PPA2: variants seen among roughly 807,000 people sequenced by gnomAD.
PPA2 encodes the protein inorganic pyrophosphatase 2, also known as inorganic pyrophosphatase 2, mitochondrial.
Under a neutral mutation model 49.5 loss-of-function variants are expected in PPA2, and 48 were observed. The observed-to-expected ratio is 0.97, with a 90% CI of 0.77 to 1.23. PPA2 has a LOEUF of 1.23. Among genes scored for constraint, PPA2 ranks in the 50% most tolerant of loss-of-function variants. PPA2 has a pLI of 0.00. For missense variants in PPA2, 429 were observed against 410.1 expected, an observed-to-expected ratio of 1.05 and a Z score of -0.40; for synonymous variants, 131 against 139.9, an observed-to-expected ratio of 0.94 and a Z score of 0.45.
rs1297256277 is a variant in PPA2, at chr4:105,426,661, T to C, written c.529-2339A>G. Among the ~76,000 whole-genome samples, 9 of 152,294 alleles carry C rather than the reference T, an allele frequency of 5.9e-5. No homozygotes were observed. In the South Asian group the frequency reaches 1.5e-3, roughly 25 times the overall value. On this transcript the variant is annotated intron_variant, in intron 6 of 11. Coordinates refer to ENST00000341695, the MANE Select transcript of PPA2 (RefSeq NM_176869.3). ...GTGTCAGCCATTACTGAGACTTGAA[T>C]AGGCAGTTCTATGCTTACAGTGTAA...
intron 4 of PPA2, among the ~76,000 whole-genome samples, chr4:105,447,799 T>C (rs915216721): frequency 6.6e-6 from 1 of 151,568 alleles, no homozygotes; most frequent in African/African-American, 2.4e-5. Flanking sequence ...AGTGGTGTGA[T>C]CTCAGCTCAC....
intron 6 of PPA2, among the ~76,000 whole-genome samples, chr4:105,426,265 C>T (rs540556894): frequency 4.1e-4 from 63 of 152,294 alleles, no homozygotes; most frequent in Non-Finnish European, 7.6e-4. Context: ...CCAGTGAGAT[C>T]GATGCAGAAG....
chr4:105,414,819 CAGA>C (rs748225848), intron 7 of PPA2, among the ~76,000 whole-genome samples: 9 of 152,264 alleles, frequency 5.9e-5, no homozygotes, highest in Non-Finnish European at 8.8e-5. Flanking sequence ...TTCTCCCGTA[CAGA>C]AGAAGAATGA....
chr4:105,414,452 C>G (rs1046856569), intron 7 of PPA2, among the ~76,000 whole-genome samples: 1 of 152,206 alleles, frequency 6.6e-6, no homozygotes. Flanking sequence ...CCCACGCATG[C>G]CAAGGGCAAG....
chr4:105,420,456 A>T (rs1282359983), intron 7 of PPA2, among the ~76,000 whole-genome samples: 1 of 152,146 alleles, frequency 6.6e-6, no homozygotes, highest in South Asian at 2.1e-4. Context: ...TAGGAAATTT[A>T]AAAAATCTCT....
chr4:105,388,431 T>TA (rs202196726), intron 9 of PPA2, among the ~76,000 whole-genome samples: 3 of 152,088 alleles, frequency 2.0e-5, no homozygotes, highest in Admixed American at 6.5e-5. Flanking sequence ...TTTTAAAAAT[T>TA]AAAAAAATTT....
chr4:105,434,523 T>C (rs1171019225), intron 6 of PPA2, among the ~76,000 whole-genome samples: 1 of 152,072 alleles, frequency 6.6e-6, no homozygotes, highest in Non-Finnish European at 1.5e-5. Flanking sequence ...CAGAAGACAG[T>C]CCTCTCTCAT....
rs1201421220 is a variant in PPA2, at chr4:105,424,205, T to C, written c.646A>G (p.Lys216Glu). 1.2e-6 allele frequency: 2 copies of C among 1,601,972 alleles called. No individual in the cohort carries two copies. The highest frequency in any genetic ancestry group is 1.7e-4 in the Middle Eastern group (1 of 6,034). Residue 216 changes from lysine to glutamate, a missense_variant, in exon 7 of 12, where the codon AAG becomes GAG. Transcript: ENST00000341695. The part of the protein sequence containing the change: ...AINANDPEAS[K>E]FHDIDDVKKF... ...AAAGTAACAGTCTTACCATGAAACT[T>C]TGAGGCTTCAGGATCATTCGCATTG...
At chr4:105,428,710 C>T (rs1723648893) in intron 6 of PPA2, among the ~76,000 whole-genome samples, 1 of 151,942 alleles carries the variant, frequency 6.6e-6, no homozygotes, top group Non-Finnish European at 1.5e-5. Flanking sequence ...AGGAGAAATA[C>T]CTAATGTAGG....
At chr4:105,391,883 A>G (rs1733936453) in intron 9 of PPA2, among the ~76,000 whole-genome samples, 1 of 152,170 alleles carries the variant, frequency 6.6e-6, no homozygotes, top group African/African-American at 2.4e-5. Flanking sequence ...TAATAAAAAA[A>G]GAGTATGAGT....
intron 1 of PPA2, among the ~76,000 whole-genome samples, chr4:105,461,619 A>C (rs750473578): frequency 3.9e-4 from 60 of 152,284 alleles, no homozygotes; most frequent in Non-Finnish European, 7.5e-4. Context: ...CTCAGTTTTC[A>C]AGGTTTCTCT....
chr4:105,428,658 C>T (rs577994567), intron 6 of PPA2, among the ~76,000 whole-genome samples: 15 of 142,132 alleles, frequency 1.1e-4, no homozygotes, highest in South Asian at 2.2e-4. Context: ...CATCATACAC[C>T]GAGGCCTGTT....
intron 10 of PPA2, among the ~76,000 whole-genome samples, chr4:105,386,198 G>A (rs983350993): frequency 1.3e-5 from 2 of 152,086 alleles, no homozygotes; most frequent in Non-Finnish European, 2.9e-5. Flanking sequence ...TTATTCTTAA[G>A]CTGGAACTGT....
chr4:105,447,862 T>C (rs1162147215), intron 4 of PPA2: 2 of 168,278 alleles, frequency 1.2e-5, no homozygotes, highest in East Asian at 1.8e-4. Context: ...GTCTCCTAAA[T>C]AGCTGGGATT....
chr4:105,399,110 C>T lies in PPA2; in HGVS notation c.710G>A (p.Trp237Ter). ...KPGYLEATLNWFRLYKVPDGK... is the reference protein window; with the variant it reads ...KPGYLEATLN Reference sequence around the variant, plus strand: ...ATCTGGTACCTTATATAATCTAAACCAATTAAGAGTAGCTTCCAGGTAACC... The same window carrying T: ...ATCTGGTACCTTATATAATCTAAACTAATTAAGAGTAGCTTCCAGGTAACC... Residue 237 changes from tryptophan to a stop codon, truncating the protein, a stop_gained, in exon 8 of 12, where the codon TGG becomes TAG. Coordinates refer to ENST00000341695, the MANE Select transcript of PPA2 (RefSeq NM_176869.3). LOFTEE classifies it high-confidence loss of function. 1 of 1,609,922 alleles carries T rather than the reference C, an allele frequency of 6.2e-7. No individual in the cohort carries two copies. The highest frequency in any genetic ancestry group is 1.7e-5 in the Admixed American group (1 of 59,544).
intron 6 of PPA2, among the ~76,000 whole-genome samples, chr4:105,429,459 TA>T (rs1723694424): frequency 6.6e-6 from 1 of 152,198 alleles, no homozygotes; most frequent in Admixed American, 6.5e-5. Context: ...ATTCCAAAAT[TA>T]AAAAGTTAAG....
intron 9 of PPA2, among the ~76,000 whole-genome samples, chr4:105,391,345 A>C (rs1380470446): frequency 3.8e-5 from 1 of 26,270 alleles, no homozygotes; most frequent in Non-Finnish European, 9.3e-5. Context: ...TTAAAGTAAC[A>C]AAAAAAAAAA....
intron 10 of PPA2, among the ~76,000 whole-genome samples, chr4:105,385,897 T>A: frequency 7.6e-6 from 1 of 130,900 alleles, no homozygotes; most frequent in South Asian, 2.6e-4. Context: ...TTTTTTTTTT[T>A]GAGACAGAGT....
At chr4:105,463,647 G>A (rs774605859) in intron 1 of PPA2, among the ~76,000 whole-genome samples, 16 of 152,312 alleles carry the variant, frequency 1.1e-4, no homozygotes, top group East Asian at 3.9e-4. Flanking sequence ...AGGTGGTTTC[G>A]CTGGGCTCAG....
Sources: allele counts gnomAD v4.1 joint callset (sites outside exome capture counted in the v4.1 genomes callset), GRCh38; gene constraint gnomAD v4.1.1; transcripts MANE v1.5; gene names NCBI Gene and HGNC (gene_info 2026-07-23, HGNC 2026-07-21).